Variants in PAXIP1 observed in about 807,000 individuals in gnomAD.
PAXIP1 encodes PAX interacting protein 1, also known as PAX-interacting protein 1.
In PAXIP1, 19 loss-of-function variants were observed where a neutral mutation model predicts 140.6. The observed-to-expected ratio is 0.14, with a 90% CI of 0.09 to 0.20. PAXIP1 has a LOEUF of 0.20. Ranked by LOEUF, PAXIP1 falls within the 10% of genes least tolerant of loss-of-function variation. The pLI, the probability that PAXIP1 is intolerant of heterozygous loss-of-function variation, is 1.00. For missense variants in PAXIP1, 920 were observed against 1,208.6 expected, an observed-to-expected ratio of 0.76 and a Z score of 3.54; for synonymous variants, 442 against 444.6, an observed-to-expected ratio of 0.99 and a Z score of 0.07.
In PAXIP1 at chr7:154,968,848, T is replaced by TAGCA; in HGVS notation, c.1352_1353insTGCT (p.Gln451HisfsTer146). The TAGCA allele has an allele frequency of 1.3e-6, 1 of 770,074 alleles. No individual in the cohort carries two copies. The highest frequency in any genetic ancestry group is 2.3e-6 in the Non-Finnish European group (1 of 434,026). The allele number at this position is 770,074 out of a possible 1,614,324, so 47.7% of individuals were successfully genotyped here. On this transcript the variant is annotated frameshift_variant, in exon 7 of 21. Coordinates refer to ENST00000404141, the MANE Select transcript of PAXIP1 (RefSeq NM_007349.4). LOFTEE classifies it high-confidence loss of function. ...GATGGGCTTGCTGCTGCTGCTGCTG[T>TAGCA]TGCTGTGAAAATGGATGCGGCGGCT...
intron 3 of PAXIP1, among the ~76,000 whole-genome samples, chr7:154,991,843 C>T (rs147364284): frequency 6.6e-6 from 1 of 152,296 alleles, no homozygotes; most frequent in East Asian, 1.9e-4. Flanking sequence ...TATTACTTCT[C>T]TTTCCCTATA....
intron 13 of PAXIP1, 119 bp from the exon 14 acceptor site, chr7:154,957,413 T>TC: frequency 1.9e-6 from 1 of 534,804 alleles, no homozygotes; most frequent in Non-Finnish European, 3.3e-6. Flanking sequence ...ATCATGTTCT[T>TC]CTTCACCACA....
chr7:154,954,185 A>G lies in PAXIP1; in HGVS notation c.2821+70T>C. 1 of 1,050,276 alleles carries G rather than the reference A, an allele frequency of 9.5e-7. No individual in the cohort carries two copies. Among genetic ancestry groups the G allele is most frequent in the Non-Finnish European group, 1.3e-6 (1 of 767,356 alleles). The allele number at this position is 1,050,276 out of a possible 1,614,324, so 65.1% of individuals were successfully genotyped here. Reference sequence around the variant, plus strand: ...AAAATTAAATATTTGTTGGGATGAAAAGAGATGAATTCAAGAAAAAAAAAA... The same window carrying G: ...AAAATTAAATATTTGTTGGGATGAAGAGAGATGAATTCAAGAAAAAAAAAA... On this transcript the variant is annotated intron_variant, in intron 16 of 20. Coordinates refer to ENST00000404141, the MANE Select transcript of PAXIP1 (RefSeq NM_007349.4). The surrounding 1 kb of genome is among the most constrained non-coding windows in gnomAD (Gnocchi z 5.1).
At chr7:154,990,607 C>T (rs994636658) in intron 4 of PAXIP1, among the ~76,000 whole-genome samples, 2 of 152,156 alleles carry the variant, frequency 1.3e-5, no homozygotes, top group African/African-American at 4.8e-5. Context: ...TTAGTAATTC[C>T]TCTTTATAGA....
In PAXIP1 at chr7:154,986,015, A is replaced by G; in HGVS notation, c.325-2683T>C. The G allele has an allele frequency of 7.3e-7, 1 of 1,365,456 alleles. No homozygotes were observed. The highest frequency in any genetic ancestry group is 9.8e-7 in the Non-Finnish European group (1 of 1,021,464). 84.6% of individuals were successfully genotyped at this position (1,365,456 alleles called of 1,614,324 possible). A position where few individuals can be genotyped will look rare whatever the true frequency, so the allele number is the denominator to read the frequency against. On this transcript the variant is annotated intron_variant, in intron 4 of 20. Transcript: ENST00000404141. This position sits in a 1 kb window ranked among gnomAD's most constrained non-coding sequence, Gnocchi z 4.8. ...ACTCTTGACCTATTCCCCAAAACCTACCCAGCACATTACAACAGAGGCCTC... is the reference window on the plus strand; with the variant it reads ...ACTCTTGACCTATTCCCCAAAACCTGCCCAGCACATTACAACAGAGGCCTC...
chr7:154,988,839 C>G (rs1810194198), intron 4 of PAXIP1, among the ~76,000 whole-genome samples: 1 of 152,086 alleles, frequency 6.6e-6, no homozygotes. Context: ...CACATTTTAG[C>G]CAAAGTACAT....
intron 17 of PAXIP1, chr7:154,947,691 A>T: frequency 2.0e-6 from 1 of 497,028 alleles, no homozygotes; most frequent in Admixed American, 3.4e-5. Flanking sequence ...TAAACATTAT[A>T]GTAAAGAAAA....
At chr7:155,000,055 T>G (rs1000683481) in intron 1 of PAXIP1, 3 of 151,986 alleles carry the variant, frequency 2.0e-5, no homozygotes, top group African/African-American at 7.3e-5. Flanking sequence ...AGTGACATGG[T>G]GCCCACAAAG....
At position 154,968,675 on chromosome 7, in the gene PAXIP1, AGCTGGT is replaced by A. The variant is rs1298396289; in HGVS notation, c.1520_1525del (p.His507_Gln508del). ...GAGCTGGGCAAGCTGCTGCTGCTGGAGCTGGTGCTGCTGCAGCTGATGGAACTGCTG... is the reference window on the plus strand; with the variant it reads ...GAGCTGGGCAAGCTGCTGCTGCTGGAGCTGCTGCAGCTGATGGAACTGCTG... On this transcript the variant is annotated inframe_deletion, in exon 7 of 21. Transcript: ENST00000404141. The A allele has an allele frequency of 1.4e-6, 1 of 713,648 alleles. No individual in the cohort carries two copies. The highest frequency in any genetic ancestry group is 2.6e-6 in the Non-Finnish European group (1 of 383,830). The allele number at this position is 713,648 out of a possible 1,614,324, so 44.2% of individuals were successfully genotyped here.
At position 154,975,775 on chromosome 7, in the gene PAXIP1, C is replaced by G; in HGVS notation, c.995G>C (p.Ser332Thr). 2 of 1,613,900 alleles carry G rather than the reference C, an allele frequency of 1.2e-6. No individual in the cohort carries two copies. The highest frequency in any genetic ancestry group is 4.5e-5 in the East Asian group (2 of 44,888). ...ATTCCTCAGTGTCCGTACAGCTGGA[C>G]TCCAGGTAGCTATCATTTCTGATCT... ...SERSEMIATW[S>T]PAVRTLRNIT... Residue 332 changes from serine to threonine, a missense_variant, in exon 6 of 21, where the codon AGT becomes ACT. This residue lies in a region of PAXIP1 where 419 missense variants were observed against 514.7 expected (regional missense o/e 0.81). Coordinates refer to ENST00000404141, the MANE Select transcript of PAXIP1 (RefSeq NM_007349.4).
At chr7:154,972,785 C>A (rs1809388871) in intron 6 of PAXIP1, among the ~76,000 whole-genome samples, 1 of 152,238 alleles carries the variant, frequency 6.6e-6, no homozygotes. Context: ...AGTCTTCCTG[C>A]CAGGACTGGG....
chr7:154,992,949 T>A (rs191480842), intron 3 of PAXIP1, among the ~76,000 whole-genome samples: 5 of 152,332 alleles, frequency 3.3e-5, no homozygotes, highest in Non-Finnish European at 5.9e-5. Flanking sequence ...CTGGCATAGC[T>A]GCAAAATAAA....
chr7:154,990,495 T>A (rs1250216919), intron 4 of PAXIP1, among the ~76,000 whole-genome samples: 4 of 152,144 alleles, frequency 2.6e-5, no homozygotes, highest in Non-Finnish European at 5.9e-5. Context: ...CCACCAACAC[T>A]GAACACACTG....
intron 4 of PAXIP1, among the ~76,000 whole-genome samples, chr7:154,984,538 T>C (rs1356768891): frequency 6.6e-6 from 1 of 152,252 alleles, no homozygotes; most frequent in East Asian, 1.9e-4. Flanking sequence ...CTAGAAATTA[T>C]TCTGTATTAC....
At chr7:155,002,710 C>G (rs981283668) in intron 1 of PAXIP1, 139 bp downstream of exon 1, 4 of 362,276 alleles carry the variant, frequency 1.1e-5, no homozygotes, top group African/African-American at 6.6e-5. Context: ...GCCCTCAGCG[C>G]AGTCAGGCCA....
In PAXIP1 at chr7:154,976,194, TTCTTCC is replaced by T; in HGVS notation, c.570_575del (p.Glu199_Glu200del). 1 of 1,611,372 alleles carries T rather than the reference TTCTTCC, an allele frequency of 6.2e-7. No homozygotes were observed. The highest frequency in any genetic ancestry group is 1.7e-5 in the Admixed American group (1 of 59,512). Reference sequence around the variant, plus strand: ...CTTCCTCCTCCTCTTCCTCTTCCTCTTCTTCCTCTTCATAAATAATCAGACGAGGAT... The same window carrying T: ...CTTCCTCCTCCTCTTCCTCTTCCTCTTCTTCATAAATAATCAGACGAGGAT... On this transcript the variant is annotated inframe_deletion, in exon 6 of 21. Transcript: ENST00000404141.
chr7:154,944,253 A>G, intron 20 of PAXIP1, 89 bp from the exon 21 acceptor site: 1 of 1,176,440 alleles, frequency 8.5e-7, no homozygotes, highest in Non-Finnish European at 1.2e-6. Flanking sequence ...CCAGTTTCAG[A>G]GACACCCTTG....
rs528235568 is a variant in PAXIP1 at position 154,993,344 on chromosome 7, T to C, written c.260+382A>G. 1.1e-3 allele frequency among the ~76,000 whole-genome samples: 162 copies of C among 152,248 alleles called. 1 individual carries two copies. Among genetic ancestry groups the C allele is most frequent in the Non-Finnish European group, 1.8e-3 (121 of 68,034 alleles). Reference sequence around the variant, plus strand: ...CCAATGCAATTAAAAGGATTAACAATGCATGTTATAAATTTTATTCTCATG... The same window carrying C: ...CCAATGCAATTAAAAGGATTAACAACGCATGTTATAAATTTTATTCTCATG... On this transcript the variant is annotated intron_variant, in intron 3 of 20. Transcript: ENST00000404141.
Position 154,975,896 on chromosome 7 carries a change from A to G in PAXIP1, c.874T>C (p.Leu292=), listed in dbSNP as rs762023469. 6 of 1,613,964 alleles carry G rather than the reference A, an allele frequency of 3.7e-6. No homozygotes were observed. The highest frequency in any genetic ancestry group is 5.1e-6 in the Non-Finnish European group (6 of 1,179,880). ...GGGACGGGTGGGACATTGGCACACA[A>G]GTTAATCAACCCAGGCTCCTTTCCC... ...PQGKEPGLIN[L]CANVPPVPGN... Residue 292 remains leucine, a synonymous_variant, in exon 6 of 21, where the codon TTG becomes CTG. Transcript: ENST00000404141.
Sources: allele counts gnomAD v4.1 joint callset (sites outside exome capture counted in the v4.1 genomes callset), GRCh38; gene constraint gnomAD v4.1.1; regional missense constraint gnomAD v4.1.1; non-coding constraint Gnocchi (gnomAD v3.1); transcripts MANE v1.5; gene names NCBI Gene and HGNC (gene_info 2026-07-23, HGNC 2026-07-21).